The following SLC2A13 variants were observed in gnomAD, a reference collection of about 807,000 sequenced individuals.
SLC2A13 encodes the protein solute carrier family 2 member 13.
In SLC2A13, 32 loss-of-function variants were observed where a neutral mutation model predicts 64.4. The ratio of observed to expected loss-of-function variants is 0.50; its 90% confidence interval spans 0.37 to 0.67. The LOEUF (loss-of-function observed/expected upper bound fraction) is 0.67. SLC2A13 is among the 30% of genes least tolerant of loss of function. The pLI, the probability that SLC2A13 is intolerant of heterozygous loss-of-function variation, is 0.00. For synonymous variants in SLC2A13, 338 were observed against 327.1 expected (o/e 1.03, Z -0.36); for missense variants, 743 against 829.2 (o/e 0.90, Z 1.28).
chr12:39,956,035 A>G (rs1339594660), intron 3 of SLC2A13, among the ~76,000 whole-genome samples: 8 of 152,224 alleles, frequency 5.3e-5, no homozygotes, highest in Admixed American at 3.9e-4. Context: ...ACAAATGACC[A>G]ATATCAGGAG....
At position 39,843,039 on chromosome 12, in the gene SLC2A13, G is replaced by A. The variant is rs112335844; in HGVS notation, c.1320-12811C>T. Among the ~76,000 whole-genome samples the A allele has an allele frequency of 2.1e-3, 322 of 151,854 alleles. 2 individuals are homozygous for A. Among genetic ancestry groups the A allele is most frequent in the African/African-American group, 6.7e-3 (278 of 41,474 alleles). ...GATGGGGTATTTGGGTTATTTCTAC[G>A]TTTTTTCGCTGTTTTATAAAAAAAA... is the stretch of plus-strand genomic sequence containing the variant. On this transcript the variant is annotated intron_variant, in intron 6 of 9. Transcript: ENST00000280871.
At chr12:40,027,648 G>C (rs2136215446) in intron 3 of SLC2A13, among the ~76,000 whole-genome samples, 1 of 152,328 alleles carries the variant, frequency 6.6e-6, no homozygotes, top group Non-Finnish European at 1.5e-5. Context: ...TTCTCCCCTT[G>C]AGCTAACAAT....
At chr12:40,020,256 T>A (rs190929591) in intron 3 of SLC2A13, among the ~76,000 whole-genome samples, 1 of 152,262 alleles carries the variant, frequency 6.6e-6, no homozygotes, top group Non-Finnish European at 1.5e-5. Context: ...CCACCCAAAT[T>A]TCACGTTGAG....
In SLC2A13 at chr12:40,028,379, G is replaced by C. The variant is rs1238459718; in HGVS notation, c.847C>G (p.Arg283Gly). The stretch of plus-strand genomic sequence containing the variant: ...TCCTCATCAATGGTCTGGTTACCAC[G>C]CATCTGAGATAAAATTCTACGGGCC... ...QKARRILSQM[R>G]GNQTIDEEYD... is the part of the protein sequence containing the mutation. Residue 283 changes from arginine (R) to glycine (G), a missense_variant, in exon 3 of 10, where the codon CGT (arginine) becomes GGT (glycine). Arg to Gly is a moderately radical substitution (Grantham distance 125, BLOSUM62 -2). Transcript: ENST00000280871. 1.2e-6 allele frequency: 2 copies of C among 1,613,712 alleles called. No homozygotes were observed. Among genetic ancestry groups the C allele is most frequent in the Admixed American group, 3.3e-5 (2 of 59,964 alleles).
At chr12:39,939,098 T>G (rs549223256) in intron 4 of SLC2A13, among the ~76,000 whole-genome samples, 1 of 152,192 alleles carries the variant, frequency 6.6e-6, no homozygotes, top group Non-Finnish European at 1.5e-5. Context: ...TCAGCAGGAC[T>G]GTGCTCCAGT....
At chr12:40,077,851 T>C (rs996041932) in intron 1 of SLC2A13, among the ~76,000 whole-genome samples, 18 of 152,188 alleles carry the variant, frequency 1.2e-4, no homozygotes, top group African/African-American at 4.3e-4. Context: ...TAATTCTCAT[T>C]GCACAGATAT....
chr12:39,784,353 C>G (rs933965502), intron 7 of SLC2A13, among the ~76,000 whole-genome samples: 5 of 152,298 alleles, frequency 3.3e-5, no homozygotes, highest in African/African-American at 9.6e-5. Context: ...ACCAAAACAG[C>G]ATGGTACTGG....
chr12:39,943,471 A>G (rs569042005), intron 4 of SLC2A13, among the ~76,000 whole-genome samples: 28 of 152,322 alleles, frequency 1.8e-4, no homozygotes, highest in African/African-American at 6.5e-4. Context: ...AGGAATCTAG[A>G]GAGGCAGTCT....
chr12:39,940,198 G>A (rs1188188338), intron 4 of SLC2A13, among the ~76,000 whole-genome samples: 1 of 152,148 alleles, frequency 6.6e-6, no homozygotes, highest in Non-Finnish European at 1.5e-5. Flanking sequence ...GCAGAGAGGG[G>A]AAGACACTTT....
At chr12:40,074,006 T>G (rs2136273401) in intron 1 of SLC2A13, among the ~76,000 whole-genome samples, 1 of 152,190 alleles carries the variant, frequency 6.6e-6, no homozygotes, top group African/African-American at 2.4e-5. Context: ...ATGTTACACC[T>G]TTTGTAGTTG....
intron 1 of SLC2A13, among the ~76,000 whole-genome samples, chr12:40,099,049 C>T (rs375876337): frequency 2.0e-5 from 3 of 152,162 alleles, no homozygotes; most frequent in African/African-American, 7.2e-5. Context: ...TGCTGCAGAC[C>T]GCACCATTTC....
intron 1 of SLC2A13, among the ~76,000 whole-genome samples, chr12:40,070,662 G>C (rs549915308): frequency 1.3e-5 from 2 of 152,096 alleles, no homozygotes; most frequent in African/African-American, 4.8e-5. Flanking sequence ...CATCCAACAA[G>C]ATCCTTTTTG....
At chr12:40,011,976 C>T (rs1947539544) in intron 3 of SLC2A13, among the ~76,000 whole-genome samples, 1 of 152,278 alleles carries the variant, frequency 6.6e-6, no homozygotes, top group South Asian at 2.1e-4. Context: ...TAGTGATAGG[C>T]AGAGCAGGAG....
chr12:40,103,903 C>T (rs770294196), intron 1 of SLC2A13, among the ~76,000 whole-genome samples: 6 of 152,132 alleles, frequency 3.9e-5, no homozygotes, highest in East Asian at 1.9e-4. Flanking sequence ...TAATATGTTA[C>T]GGAGAGCTTT....
chr12:39,985,270 T>C (rs1947008859), intron 3 of SLC2A13, among the ~76,000 whole-genome samples: 1 of 152,156 alleles, frequency 6.6e-6, no homozygotes, highest in African/African-American at 2.4e-5. Flanking sequence ...TTTGTTAGAA[T>C]TCTTTTAGCT....
rs143613533 is a variant in SLC2A13 at position 39,770,584 on chromosome 12, A to G, written c.1446-5726T>C. Among the ~76,000 whole-genome samples the G allele has an allele frequency of 2.1e-4, 32 of 152,284 alleles. No homozygotes were observed. In the East Asian group the frequency reaches 6.2e-3, roughly 29 times the overall value. On this transcript the variant is annotated intron_variant, in intron 7 of 9. Transcript: ENST00000280871. ...CCTGATCTGTGAGATCGGGGAAAGA[A>G]CTGTATCATGGGCTGTTGGGAACAT...
rs532376346 is a variant in SLC2A13, at chr12:39,920,637, A to C, written c.1034+30620T>G. Among the ~76,000 whole-genome samples, 3 of 152,170 alleles carry C rather than the reference A, an allele frequency of 2.0e-5. No homozygotes were observed. The South Asian group carries it at 6.2e-4, about 31-fold the overall frequency. On this transcript the variant is annotated intron_variant, in intron 4 of 9. Transcript: ENST00000280871. ...GATCTGGGGTGAAGTCCGATGCTGA[A>C]TCCCAATTATATCAATCACTAGCTC...
chr12:39,978,655 C>G (rs1474076094), intron 3 of SLC2A13, among the ~76,000 whole-genome samples: 2 of 152,174 alleles, frequency 1.3e-5, no homozygotes, highest in Non-Finnish European at 2.9e-5. Flanking sequence ...TATCCCACAC[C>G]TGGCTCGGAG....
intron 3 of SLC2A13, among the ~76,000 whole-genome samples, chr12:39,978,610 C>T (rs1270859678): frequency 6.6e-6 from 1 of 152,186 alleles, no homozygotes; most frequent in Admixed American, 6.5e-5. Context: ...TGGCGCTTTT[C>T]AGACTGGCTT....
Sources: gnomAD v4.1 joint callset for allele counts (sites outside exome capture counted in the v4.1 genomes callset) on GRCh38, gnomAD v4.1.1 for gene constraint, MANE v1.5 for transcripts, NCBI Gene and HGNC (gene_info 2026-07-23, HGNC 2026-07-21) for gene names.